The following SLK variants were observed in gnomAD, a reference collection of about 807,000 sequenced individuals.
SLK encodes STE20-like serine/threonine-protein kinase.
Under a neutral mutation model 147.7 loss-of-function variants are expected in SLK, and 67 were observed. That is an observed-to-expected ratio of 0.45 (90% confidence interval 0.37 to 0.56). SLK has a LOEUF of 0.56. Ranked by LOEUF, SLK falls within the 20% of genes least tolerant of loss-of-function variation. The pLI, the probability that SLK is intolerant of heterozygous loss-of-function variation, is 0.00. For missense variants in SLK, 1,136 were observed against 1,438.8 expected (o/e 0.79, Z 3.41); for synonymous variants, 441 against 475.0 (o/e 0.93, Z 0.93).
rs568297331 is a variant in SLK, at chr10:104,004,134, C to T, written c.2349+607C>T. ...AGTTCTGATGCAGGTGATCCATGGG[C>T]TGCCCCTTGGAAAATACTTCCTAGA... On this transcript the variant is annotated intron_variant, in intron 9 of 18. Transcript: ENST00000369755. Among the ~76,000 whole-genome samples, 16 of 152,168 alleles carry T rather than the reference C, an allele frequency of 1.1e-4. No homozygotes were observed. In the East Asian group the frequency reaches 2.5e-3, roughly 24 times the overall value.
chr10:104,003,233 A>C lies in SLK; in HGVS notation c.2055A>C (p.Glu685Asp). Residue 685 changes from glutamate (E) to aspartate (D), a missense_variant, in exon 9 of 19, where the codon GAA becomes GAC. Glu to Asp is a conservative substitution (Grantham distance 45). Transcript: ENST00000369755. ...VTTQIDKEKK[E>D]IPVSIKKEPE... is the part of the protein sequence containing the mutation. The stretch of plus-strand genomic sequence containing the variant: ...CTCAGATAGATAAAGAGAAAAAAGA[A>C]ATTCCAGTGTCAATTAAAAAAGAGC... 1 of 1,611,592 alleles carries C rather than the reference A, an allele frequency of 6.2e-7. No homozygotes were observed. The highest frequency in any genetic ancestry group is 1.1e-5 in the South Asian group (1 of 90,690).
intron 1 of SLK, among the ~76,000 whole-genome samples, chr10:103,977,800 A>G (rs1843890325): frequency 6.6e-6 from 1 of 152,162 alleles, no homozygotes; most frequent in South Asian, 2.1e-4. Context: ...CTATTCTATA[A>G]TATCTTAACC....
chr10:103,992,159 T>TTTTTTTTTTTTTTTTTTTTTC (rs1554842829), intron 2 of SLK, among the ~76,000 whole-genome samples: 2 of 138,944 alleles, frequency 1.4e-5, no homozygotes, highest in South Asian at 2.2e-4. Context: ...TTTTTTTTTT[T>TTTTTTTTTTTTTTTTTTTTTC]CTAAAAGAAG....
At chr10:103,976,811 A>G (rs944221518) in intron 1 of SLK, among the ~76,000 whole-genome samples, 21 of 152,292 alleles carry the variant, frequency 1.4e-4, no homozygotes, top group African/African-American at 4.8e-4. Flanking sequence ...TGGCTCTGTA[A>G]TTTTGCCTTT....
At chr10:104,023,748 A>T (rs897403081) in intron 18 of SLK, among the ~76,000 whole-genome samples, 2 of 152,156 alleles carry the variant, frequency 1.3e-5, no homozygotes, top group Non-Finnish European at 2.9e-5. Context: ...GTAACAATTC[A>T]TCACCACCAG....
intron 1 of SLK, among the ~76,000 whole-genome samples, chr10:103,988,561 A>G (rs1289528966): frequency 6.6e-6 from 1 of 152,190 alleles, no homozygotes; most frequent in Non-Finnish European, 1.5e-5. Context: ...AACCTCCAGC[A>G]GAAAGGGCTT....
intron 1 of SLK, among the ~76,000 whole-genome samples, chr10:103,968,430 C>T (rs1261513342): frequency 6.6e-6 from 1 of 152,148 alleles, no homozygotes; most frequent in African/African-American, 2.4e-5. Flanking sequence ...AATGGAATTT[C>T]TGACAAAATT....
Position 104,018,862 on chromosome 10 carries a change from A to T in SLK, c.3086A>T (p.Asp1029Val), listed in dbSNP as rs1444168498. The change falls in exon 15 of 19, where the codon GAT becomes GTT. Residue 1029 changes from aspartate (D) to valine (V), a missense_variant. Physicochemically the swap from Asp to Val is radical, Grantham distance 152 (BLOSUM62 -3). This residue lies in a region of SLK where 327 missense variants were observed against 457.5 expected (regional missense o/e 0.71). Coordinates refer to ENST00000369755, the MANE Select transcript of SLK (RefSeq NM_014720.4). ...CAGCTGCTCAAACAGCAGCTTAAAG[A>T]TCAGTATTTCATGCAAAGACATCAG... ...KHQLLKQQLK[D>V]QYFMQRHQLL... The T allele has an allele frequency of 6.2e-7, 1 of 1,611,606 alleles. No homozygotes were observed. The highest frequency in any genetic ancestry group is 1.1e-5 in the South Asian group (1 of 90,268).
chr10:104,021,716 T>C lies in SLK; in HGVS notation c.3544T>C (p.Leu1182=). 6.3e-7 allele frequency: 1 copy of C among 1,585,556 alleles called. No individual in the cohort carries two copies. The highest frequency in any genetic ancestry group is 8.6e-7 in the Non-Finnish European group (1 of 1,156,370). ...AGAATTAAAGGAGTGGAGAGAGAAA[T>C]TGAGACCTAGGAAAAAGGTAATTTT... ...SQELKEWREK[L]RPRKKTLEEE... The change falls in exon 18 of 19, where the codon TTG becomes CTG. Residue 1182 remains leucine (L), a synonymous_variant. Coordinates refer to ENST00000369755, the MANE Select transcript of SLK (RefSeq NM_014720.4).
At position 103,993,041 on chromosome 10, in the gene SLK, A is replaced by G. The variant is rs1844121759; in HGVS notation, c.422A>G (p.Asp141Gly). The change falls in exon 4 of 19, where the codon GAT becomes GGT. Residue 141 changes from aspartate to glycine, a missense_variant. Asp to Gly is a moderately conservative substitution (Grantham distance 94, BLOSUM62 -1). This residue lies in a region of SLK where 141 missense variants were observed against 219.3 expected (regional missense o/e 0.64). Coordinates refer to ENST00000369755, the MANE Select transcript of SLK (RefSeq NM_014720.4). ...CAAGTAGTTTGCAAGCAGACTTTAG[A>G]TGCATTGAACTACTTACATGATAAT... ...QIQVVCKQTLDALNYLHDNKI... is the reference protein window; with the variant it reads ...QIQVVCKQTLGALNYLHDNKI... 1.9e-6 allele frequency: 3 copies of G among 1,610,444 alleles called. No homozygotes were observed. Among genetic ancestry groups the G allele is most frequent in the Non-Finnish European group, 2.5e-6 (3 of 1,177,170 alleles).
chr10:103,967,994 T>C, intron 1 of SLK, 99 bp downstream of exon 1: 1 of 1,222,040 alleles, frequency 8.2e-7, no homozygotes, highest in Non-Finnish European at 1.2e-6. Context: ...TATCCTGTCC[T>C]TCTTTTGACT....
At chr10:104,021,094 G>A (rs1217582387) in intron 17 of SLK, among the ~76,000 whole-genome samples, 2 of 152,158 alleles carry the variant, frequency 1.3e-5, no homozygotes, top group Non-Finnish European at 2.9e-5. Context: ...TCGAGAGAGG[G>A]CTGATTTAGG....
rs545378520 is a variant in SLK, at chr10:104,024,159, G to A, written c.3562-1415G>A. 5.9e-5 allele frequency among the ~76,000 whole-genome samples: 9 copies of A among 152,246 alleles called. No individual in the cohort carries two copies. The South Asian group carries it at 1.0e-3, about 18-fold the overall frequency. Reference sequence around the variant, plus strand: ...TGTCACACCCTACATTCAATCAGGCGCCAATTAATTTGGACTCTTTTTCAT... The same window carrying A: ...TGTCACACCCTACATTCAATCAGGCACCAATTAATTTGGACTCTTTTTCAT... On this transcript the variant is annotated intron_variant, in intron 18 of 18. Transcript: ENST00000369755.
Position 104,028,623 on chromosome 10 carries a change from T to C in SLK, c.*2903T>C, listed in dbSNP as rs1844627781. ...AGTCATACTTCCTCAAGCACAAAGC[T>C]CTCAGGCATATGAGACCCACCTTAA... On this transcript the variant is annotated 3_prime_UTR_variant, in exon 19 of 19. Transcript: ENST00000369755. The C allele has an allele frequency of 6.6e-6, 1 of 152,198 alleles. No individual in the cohort carries two copies. The highest frequency in any genetic ancestry group is 2.4e-5 in the African/African-American group (1 of 41,446). 9.4% of individuals were successfully genotyped at this position (152,198 alleles called of 1,614,324 possible). A position where few individuals can be genotyped will look rare whatever the true frequency, so the allele number is the denominator to read the frequency against.
rs1844259005 is a variant in SLK, at chr10:104,002,271, G to GA, written c.1099dup (p.Thr367AsnfsTer4). ...TGCTTGTATTTTGGAGTCTGTCTCA[G>GA]AAAAAACAGAACGTAGTAACTCTGA... is the stretch of plus-strand genomic sequence containing the variant. On this transcript the variant is annotated frameshift_variant, in exon 9 of 19. Transcript: ENST00000369755. LOFTEE classifies it high-confidence loss of function. The GA allele has an allele frequency of 1.2e-6, 2 of 1,613,420 alleles. No individual in the cohort carries two copies. The highest frequency in any genetic ancestry group is 1.7e-6 in the Non-Finnish European group (2 of 1,179,574).
intron 1 of SLK, among the ~76,000 whole-genome samples, chr10:103,988,768 A>G (rs1482386428): frequency 6.6e-6 from 1 of 152,208 alleles, no homozygotes; most frequent in Non-Finnish European, 1.5e-5. Context: ...TATGCCAGAT[A>G]GTATATTAAA....
At chr10:103,972,960 T>C (rs796865282) in intron 1 of SLK, among the ~76,000 whole-genome samples, 20 of 152,328 alleles carry the variant, frequency 1.3e-4, no homozygotes, top group African/African-American at 4.3e-4. Context: ...GTGATAGTTA[T>C]TGCTAATATA....
At chr10:104,023,287 A>G (rs1253381782) in intron 18 of SLK, among the ~76,000 whole-genome samples, 2 of 152,134 alleles carry the variant, frequency 1.3e-5, no homozygotes, top group Non-Finnish European at 1.5e-5. Flanking sequence ...TACCTTGATG[A>G]TTTTATTGCT....
intron 17 of SLK, among the ~76,000 whole-genome samples, chr10:104,021,119 G>A (rs775568990): frequency 7.9e-5 from 12 of 152,188 alleles, no homozygotes; most frequent in Non-Finnish European, 1.5e-4. Context: ...TACATAGAAT[G>A]TACAGCCCAT....
Sources: allele counts gnomAD v4.1 joint callset (sites outside exome capture counted in the v4.1 genomes callset), GRCh38; gene constraint gnomAD v4.1.1; regional missense constraint gnomAD v4.1.1; transcripts MANE v1.5; gene names NCBI Gene and HGNC (gene_info 2026-07-23, HGNC 2026-07-21).